ITGAM: variants seen among roughly 807,000 people sequenced by gnomAD.
The protein encoded by ITGAM is integrin subunit alpha M.
ITGAM carries 79 observed loss-of-function variants against 137.5 expected under a neutral mutation model. The ratio of observed to expected loss-of-function variants is 0.57; its 90% CI spans 0.48 to 0.69. The LOEUF (loss-of-function observed/expected upper bound fraction) is 0.69, where lower values mean the gene tolerates loss of function less well. ITGAM is among the 30% of genes least tolerant of loss of function. ITGAM has a pLI of 0.00. For missense variants in ITGAM, 1,343 were observed against 1,483.5 expected (o/e 0.91, Z 1.56); for synonymous variants, 583 against 592.3 (o/e 0.98, Z 0.23).
At chr16:31,314,208 T>C (rs1438325397) in intron 14 of ITGAM, among the ~76,000 whole-genome samples, 2 of 152,234 alleles carry the variant, frequency 1.3e-5, no homozygotes, top group Non-Finnish European at 2.9e-5. Context: ...TAGTTTCTTT[T>C]GCTGTGCAGA....
At chr16:31,312,806 C>T (rs557903494) in intron 14 of ITGAM, among the ~76,000 whole-genome samples, 2 of 150,684 alleles carry the variant, frequency 1.3e-5, no homozygotes, top group African/African-American at 2.4e-5. Flanking sequence ...TTCACAAGAT[C>T]GATTATAGCC....
At chr16:31,320,259 C>A (rs576296063) in intron 14 of ITGAM, among the ~76,000 whole-genome samples, 2 of 152,288 alleles carry the variant, frequency 1.3e-5, no homozygotes, top group South Asian at 2.1e-4. Context: ...CCCCACTACA[C>A]GTTTTACGTT....
At chr16:31,281,636 G>C (rs1467482780) in intron 12 of ITGAM, among the ~76,000 whole-genome samples, 7 of 152,042 alleles carry the variant, frequency 4.6e-5, no homozygotes, top group African/African-American at 1.4e-4. Context: ...CTTGCTAGCG[G>C]TCTATCAGTT....
At position 31,265,483 on chromosome 16, in the gene ITGAM, C is replaced by T; in HGVS notation, c.223C>T (p.Pro75Ser). ...CGACTACAGCACAGGCTCATGCGAGCCCATCCGCCTGCAGGGTGAGTCACT... is the reference window on the plus strand; with the variant it reads ...CGACTACAGCACAGGCTCATGCGAGTCCATCCGCCTGCAGGGTGAGTCACT... ...QCDYSTGSCE[P>S]IRLQVPVEAV... Residue 75 changes from proline to serine, a missense_variant, in exon 3 of 30, where the codon CCC becomes TCC. Coordinates refer to ENST00000544665, the MANE Select transcript of ITGAM (RefSeq NM_000632.4). 6.3e-7 allele frequency: 1 copy of T among 1,599,536 alleles called. No homozygotes were observed. Among genetic ancestry groups the T allele is most frequent in the South Asian group, 1.1e-5 (1 of 88,804 alleles).
rs182653943 is a variant in ITGAM, at chr16:31,276,560, G to T, written c.1010-111G>T. 1.5e-4 allele frequency: 109 copies of T among 723,374 alleles called. No individual in the cohort carries two copies. In the African/African-American group the frequency reaches 1.8e-3, roughly 12 times the overall value. The allele number at this position is 723,374 out of a possible 1,614,324, so 44.8% of individuals were successfully genotyped here. On this transcript the variant is annotated intron_variant, in intron 9 of 29. Transcript: ENST00000544665. ...TTCACCAGACTGGTCTCTAACTCCT[G>T]ACCTCAAGTGATCTGCCCATCTCAG...
rs993595730 is a variant in ITGAM, at chr16:31,271,017, A to G, written c.491A>G (p.His164Arg). 5 of 1,590,374 alleles carry G rather than the reference A, an allele frequency of 3.1e-6. No individual in the cohort carries two copies. The highest frequency in any genetic ancestry group is 1.3e-5 in the African/African-American group (1 of 74,204). The change falls in exon 6 of 30, where the codon CAT becomes CGT. Residue 164 changes from histidine (H) to arginine (R), a missense_variant. His to Arg is a conservative substitution (Grantham distance 29, BLOSUM62 0). Coordinates refer to ENST00000544665, the MANE Select transcript of ITGAM (RefSeq NM_000632.4). ...LIDGSGSIIP[H>R]DFRRMKEFVS... The stretch of plus-strand genomic sequence containing the variant: ...GATGGCTCTGGTAGCATCATCCCAC[A>G]TGACTTTCGGCGGATGAAGGAGTTT...
intron 14 of ITGAM, among the ~76,000 whole-genome samples, chr16:31,313,962 C>G (rs573934637): frequency 6.4e-4 from 97 of 152,048 alleles, no homozygotes; most frequent in African/African-American, 2.1e-3. Context: ...TTTTGATTTG[C>G]ATTTCTCTAA....
chr16:31,325,575 A>G lies in ITGAM; in HGVS notation c.2581A>G (p.Ser861Gly), dbSNP rs555964677. Residue 861 changes from serine to glycine, a missense_variant, in exon 21 of 30, where the codon AGC becomes GGC. By Grantham distance (56) the Ser-to-Gly change is moderately conservative. Coordinates refer to ENST00000544665, the MANE Select transcript of ITGAM (RefSeq NM_000632.4). ...CACCGAAGTGTCTGGGGCCTTGAAG[A>G]GCACCAGCTGCAGCATAAACCACCC... is the stretch of plus-strand genomic sequence containing the variant. ...SSTEVSGALK[S>G]TSCSINHPIF... 1.9e-5 allele frequency: 30 copies of G among 1,613,848 alleles called. No individual in the cohort carries two copies. In the South Asian group the frequency reaches 2.2e-4, roughly 12 times the overall value.
At position 31,297,952 on chromosome 16, in the gene ITGAM, C is replaced by G. The variant is rs778616193; in HGVS notation, c.1705C>G (p.Gln569Glu). Residue 569 changes from glutamine (Q) to glutamate (E), a missense_variant and splice_region_variant, in exon 14 of 30, where the codon CAG becomes GAG. Physicochemically the swap from Gln to Glu is conservative, Grantham distance 29. Coordinates refer to ENST00000544665, the MANE Select transcript of ITGAM (RefSeq NM_000632.4). ...SGSGISPSHS[Q>E]RIAGSKLSPR... is the part of the protein sequence containing the mutation. Reference sequence around the variant, plus strand: ...ATCTGGCATCAGCCCCTCCCATAGCCAGGTGAGACCTGGTCACTGTCCTTG... The same window carrying G: ...ATCTGGCATCAGCCCCTCCCATAGCGAGGTGAGACCTGGTCACTGTCCTTG... The G allele has an allele frequency of 1.2e-6, 2 of 1,612,182 alleles. No individual in the cohort carries two copies. The highest frequency in any genetic ancestry group is 3.3e-5 in the Admixed American group (2 of 59,884).
chr16:31,331,317 G>A (rs1305687372), intron 29 of ITGAM, 42 bp downstream of exon 29: 3 of 1,098,716 alleles, frequency 2.7e-6, no homozygotes, highest in South Asian at 1.3e-5. Flanking sequence ...TCATCCTCTC[G>A]GGCCTCGCGC....
Position 31,324,491 on chromosome 16 carries a change from C to G in ITGAM, c.2095C>G (p.Arg699Gly), listed in dbSNP as rs538515225. Reference sequence around the variant, plus strand: ...CTTCAATGAGACAAAGAACAGCACACGCAGACAGACACAGGTCTTGGGGCT... The same window carrying G: ...CTTCAATGAGACAAAGAACAGCACAGGCAGACAGACACAGGTCTTGGGGCT... ...AVFNETKNST[R>G]RQTQVLGLTQ... Residue 699 changes from arginine to glycine, a missense_variant, in exon 17 of 30, where the codon CGC becomes GGC. By Grantham distance (125) the Arg-to-Gly change is moderately radical. Transcript: ENST00000544665. The surrounding 1 kb of genome is among the most constrained non-coding windows in gnomAD (Gnocchi z 4.5). 8.8e-6 allele frequency: 14 copies of G among 1,597,082 alleles called. No homozygotes were observed. The South Asian group carries it at 1.2e-4, about 14-fold the overall frequency.
At chr16:31,303,460 A>T (rs957678785) in intron 14 of ITGAM, among the ~76,000 whole-genome samples, 7 of 152,276 alleles carry the variant, frequency 4.6e-5, no homozygotes, top group African/African-American at 1.2e-4. Flanking sequence ...ATGATTTTTT[A>T]AAAAATTTCA....
intron 12 of ITGAM, among the ~76,000 whole-genome samples, chr16:31,283,427 CT>C (rs1213866054): frequency 1.3e-5 from 2 of 152,118 alleles, no homozygotes; most frequent in Admixed American, 6.6e-5. Flanking sequence ...TCTTTTTACT[CT>C]TTTTTTCTCT....
intron 12 of ITGAM, among the ~76,000 whole-genome samples, chr16:31,278,867 G>C (rs1255191431): frequency 3.3e-5 from 5 of 152,064 alleles, no homozygotes; most frequent in African/African-American, 1.2e-4. Context: ...AGGTATATCT[G>C]CTAATGCTAT....
At chr16:31,311,006 C>G (rs1005014469) in intron 14 of ITGAM, among the ~76,000 whole-genome samples, 3 of 152,110 alleles carry the variant, frequency 2.0e-5, no homozygotes, top group African/African-American at 4.8e-5. Context: ...TGATCTTTGA[C>G]AAACCTGACA....
Position 31,331,148 on chromosome 16 carries a change from C to T in ITGAM, c.3277-17C>T. 2.1e-6 allele frequency: 3 copies of T among 1,420,382 alleles called. No homozygotes were observed. Among genetic ancestry groups the T allele is most frequent in the African/African-American group, 1.4e-5 (1 of 71,518 alleles). 88.0% of individuals were successfully genotyped at this position (1,420,382 alleles called of 1,614,324 possible). On this transcript the variant is annotated splice_polypyrimidine_tract_variant and intron_variant, in intron 28 of 29. Coordinates refer to ENST00000544665, the MANE Select transcript of ITGAM (RefSeq NM_000632.4). ...ATCCAGAGTCGTCTCCCCTGACGCC[C>T]CTCCTTCCTCCCCCAGACGGAGACC...
chr16:31,302,899 T>A (rs1228665163), intron 14 of ITGAM, among the ~76,000 whole-genome samples: 4 of 151,082 alleles, frequency 2.6e-5, no homozygotes, highest in Non-Finnish European at 5.9e-5. Context: ...TCTTTCTTTC[T>A]CTCTCTCTCT....
chr16:31,260,930 C>T (rs942689344), intron 1 of ITGAM, among the ~76,000 whole-genome samples: 2 of 152,218 alleles, frequency 1.3e-5, no homozygotes, highest in Non-Finnish European at 2.9e-5. Context: ...ACAAATTGTA[C>T]TCAATCATTA....
intron 12 of ITGAM, among the ~76,000 whole-genome samples, chr16:31,296,414 G>C (rs1408152345): frequency 6.6e-6 from 1 of 151,930 alleles, no homozygotes; most frequent in Admixed American, 6.6e-5. Context: ...CATCTGGCCG[G>C]TTATATGACT....
Sources: gnomAD v4.1 joint callset for allele counts (sites outside exome capture counted in the v4.1 genomes callset) on GRCh38, gnomAD v4.1.1 for gene constraint, Gnocchi (gnomAD v3.1) non-coding constraint, MANE v1.5 for transcripts, NCBI Gene and HGNC (gene_info 2026-07-23, HGNC 2026-07-21) for gene names.